The following CPLANE1 variants were observed in gnomAD, a reference collection of about 807,000 sequenced individuals.
CPLANE1 encodes ciliogenesis and planar polarity effector complex subunit 1.
Under a neutral mutation model 362.5 loss-of-function variants are expected in CPLANE1, and 263 were observed. The ratio of observed to expected loss-of-function variants is 0.73; its 90% confidence interval spans 0.66 to 0.80. CPLANE1 has a LOEUF of 0.80. Ranked by LOEUF, CPLANE1 falls within the 30% of genes least tolerant of loss-of-function variation. The probability of loss-of-function intolerance (pLI) is 0.00; values close to 1 mark genes in which losing one functional copy is unlikely to be tolerated. For missense variants in CPLANE1, 3,461 were observed against 3,793.4 expected (o/e 0.91, Z 2.30); for synonymous variants, 1,212 against 1,302.6 (o/e 0.93, Z 1.50).
intron 43 of CPLANE1, among the ~76,000 whole-genome samples, chr5:37,145,944 A>G (rs181594957): frequency 6.6e-6 from 1 of 152,362 alleles, no homozygotes; most frequent in Admixed American, 6.5e-5. Flanking sequence ...AAGTAAAGGG[A>G]TATCTAATTT....
chr5:37,228,935 A>T (rs1797047636), intron 9 of CPLANE1, among the ~76,000 whole-genome samples: 1 of 152,210 alleles, frequency 6.6e-6, no homozygotes, highest in African/African-American at 2.4e-5. Flanking sequence ...AGGAAGTGAC[A>T]CGTTTTTCCA....
At chr5:37,123,559 G>C (rs891809371) in intron 47 of CPLANE1, among the ~76,000 whole-genome samples, 1 of 152,202 alleles carries the variant, frequency 6.6e-6, no homozygotes, top group Non-Finnish European at 1.5e-5. Flanking sequence ...TACTTATTTT[G>C]AGACAAGAGT....
chr5:37,077,252 T>G, the CPLANE1 span, among the ~76,000 whole-genome samples: 1 of 152,112 alleles, frequency 6.6e-6, no homozygotes, highest in East Asian at 1.9e-4. Context: ...TCTCATGGTT[T>G]ATTAGTGCAT....
At chr5:37,121,882 T>C in intron 48 of CPLANE1, 98 bp from the exon 49 acceptor site, 2 of 362,032 alleles carry the variant, frequency 5.5e-6, no homozygotes, top group Non-Finnish European at 8.4e-6. Context: ...CATGTTCTGG[T>C]TTTTTTTTTT....
At position 37,180,026 on chromosome 5, in the gene CPLANE1, C is replaced by T; in HGVS notation, c.5728G>A (p.Asp1910Asn). The T allele has an allele frequency of 6.5e-7, 1 of 1,545,236 alleles. No homozygotes were observed. The highest frequency in any genetic ancestry group is 8.7e-7 in the Non-Finnish European group (1 of 1,150,676). The stretch of plus-strand genomic sequence containing the variant: ...ATCTAAATGAACTGACCTTCATAGT[C>T]TGATATGTGCATATCCATTTCCTCT... Reference protein sequence around the residue: ...TEEEMDMHISDYEEDIEESVG... With the variant: ...TEEEMDMHISNYEEDIEESVG... Residue 1910 changes from aspartate (D) to asparagine (N), a missense_variant, in exon 28 of 53, where the codon GAC becomes AAC. This residue lies in a region of CPLANE1 where 3,380 missense variants were observed against 3,666.1 expected (regional missense o/e 0.92). Coordinates refer to ENST00000651892, the MANE Select transcript of CPLANE1 (RefSeq NM_001384732.1).
At chr5:37,076,064 T>C in the CPLANE1 span, among the ~76,000 whole-genome samples, 1 of 151,784 alleles carries the variant, frequency 6.6e-6, no homozygotes, top group Non-Finnish European at 1.5e-5. Context: ...GGCAACATAG[T>C]GAAACCCCTA....
intron 14 of CPLANE1, among the ~76,000 whole-genome samples, chr5:37,221,883 A>C (rs1005384695): frequency 1.3e-5 from 2 of 152,216 alleles, no homozygotes; most frequent in Non-Finnish European, 2.9e-5. Context: ...TTTTATCCAA[A>C]GAAAGCTGCA....
Position 37,224,733 on chromosome 5 carries a change from T to C in CPLANE1, c.2299A>G (p.Ile767Val), listed in dbSNP as rs1267786198. The change falls in exon 13 of 53, where the codon ATT (isoleucine) becomes GTT (valine). Residue 767 changes from isoleucine (I) to valine (V), a missense_variant. Around this residue, in one of 2 missense-constraint regions of CPLANE1, gnomAD observed 3,380 missense variants for 3,666.1 expected, o/e 0.92. Coordinates refer to ENST00000651892, the MANE Select transcript of CPLANE1 (RefSeq NM_001384732.1). ...PVQQPGHRLLILWRILYKKTL... is the reference protein window; with the variant it reads ...PVQQPGHRLLVLWRILYKKTL... ...TTTTTGTACAGTATTCTCCAGAGAA[T>C]AAGCAATCTGCACATAAAATCAGGT... The C allele has an allele frequency of 1.3e-6, 2 of 1,547,718 alleles. No homozygotes were observed. The highest frequency in any genetic ancestry group is 1.7e-6 in the Non-Finnish European group (2 of 1,144,084).
chr5:37,201,021 G>A (rs902117710), intron 19 of CPLANE1, among the ~76,000 whole-genome samples: 6 of 152,004 alleles, frequency 3.9e-5, no homozygotes, highest in South Asian at 2.1e-4. Flanking sequence ...ACAGGGTTTC[G>A]CCATGTTGCC....
chr5:37,094,559 A>G, the CPLANE1 span, among the ~76,000 whole-genome samples: 3 of 152,218 alleles, frequency 2.0e-5, no homozygotes, highest in Non-Finnish European at 4.4e-5. Context: ...ACCCAAACCT[A>G]GCAGGGGAAA....
intron 25 of CPLANE1, 74 bp from the exon 26 acceptor site, chr5:37,183,773 GA>G (rs1469343120): frequency 3.8e-6 from 4 of 1,053,206 alleles, no homozygotes; most frequent in Non-Finnish European, 5.4e-6. Context: ...AATTGACATG[GA>G]AAATTCTCTC....
rs1052354484 is a variant in CPLANE1, at chr5:37,165,685, T to C, written c.7401-14A>G. 5.0e-6 allele frequency: 8 copies of C among 1,595,586 alleles called. No individual in the cohort carries two copies. The highest frequency in any genetic ancestry group is 1.7e-4 in the Middle Eastern group (1 of 5,982). On this transcript the variant is annotated splice_polypyrimidine_tract_variant and intron_variant, in intron 35 of 52. Transcript: ENST00000651892. ...CTTCTTCTTTGCCTGTTAAACATAA[T>C]AGCATAAAACATACTTTTACAACTA...
intron 51 of CPLANE1, among the ~76,000 whole-genome samples, chr5:37,111,403 G>A (rs1759280509): frequency 6.6e-6 from 1 of 152,144 alleles, no homozygotes; most frequent in South Asian, 2.1e-4. Context: ...GGATTGTACA[G>A]GCGTGAGCCA....
Position 37,173,747 on chromosome 5 carries a change from G to A in CPLANE1, c.6171+8C>T. On this transcript the variant is annotated splice_region_variant and intron_variant, in intron 32 of 52. Coordinates refer to ENST00000651892, the MANE Select transcript of CPLANE1 (RefSeq NM_001384732.1). ...TAGATTTACTTACTTATATAGAGAT[G>A]TGCTTACCTGAACTAATTTAAACAT... is the stretch of plus-strand genomic sequence containing the variant. 1 of 1,609,048 alleles carries A rather than the reference G, an allele frequency of 6.2e-7. No individual in the cohort carries two copies. The highest frequency in any genetic ancestry group is 8.5e-7 in the Non-Finnish European group (1 of 1,176,528).
chr5:37,234,194 C>A (rs1253527525), intron 8 of CPLANE1, among the ~76,000 whole-genome samples: 1 of 152,000 alleles, frequency 6.6e-6, no homozygotes, highest in African/African-American at 2.4e-5. Flanking sequence ...GGAGATATGA[C>A]ACCACCAAAG....
intron 32 of CPLANE1, among the ~76,000 whole-genome samples, chr5:37,171,745 ACTCTCTCTCTCTCTCTCTCT>A (rs56407367): frequency 4.1e-4 from 53 of 128,430 alleles, no homozygotes; most frequent in African/African-American, 1.3e-3. Context: ...TCTCTAGCTT[ACTCTCTCTCTCTCTCTCTCT>A]CTCTCTCTCT....
At chr5:37,082,667 A>G in the CPLANE1 span, among the ~76,000 whole-genome samples, 1 of 152,274 alleles carries the variant, frequency 6.6e-6, no homozygotes. Flanking sequence ...AACTTTTACA[A>G]CATAACTATA....
rs148782840 is a variant in CPLANE1, at chr5:37,210,829, C to T, written c.2920+2730G>A. The T allele has an allele frequency of 2.9e-4, 265 of 917,254 alleles. 1 individual carries two copies. The African/African-American group carries it at 4.0e-3, about 14-fold the overall frequency. The allele number at this position is 917,254 out of a possible 1,614,324, so 56.8% of individuals were successfully genotyped here. A position where few individuals can be genotyped will look rare whatever the true frequency, so the allele number is the denominator to read the frequency against. On this transcript the variant is annotated intron_variant, in intron 16 of 52. Transcript: ENST00000651892. Reference sequence around the variant, plus strand: ...GTCTTTCAGAAAGAACTAAGGAGAGCAGAAAAGGCTACAGTGGTTGAGCAT... The same window carrying T: ...GTCTTTCAGAAAGAACTAAGGAGAGTAGAAAAGGCTACAGTGGTTGAGCAT...
At position 37,187,023 on chromosome 5, in the gene CPLANE1, T is replaced by G. The variant is rs938727278; in HGVS notation, c.4080+391A>C. On this transcript the variant is annotated intron_variant, in intron 23 of 52. Coordinates refer to ENST00000651892, the MANE Select transcript of CPLANE1 (RefSeq NM_001384732.1). Reference sequence around the variant, plus strand: ...TTGCAGTGAGCCGAGATCGCGCCACTGCACTCTAGCCTGGGTGACAGAGCG... The same window carrying G: ...TTGCAGTGAGCCGAGATCGCGCCACGGCACTCTAGCCTGGGTGACAGAGCG... Among the ~76,000 whole-genome samples the G allele has an allele frequency of 9.4e-5, 12 of 127,368 alleles. No homozygotes were observed. The Admixed American group carries it at 9.9e-4, about 10-fold the overall frequency. The allele number at this position is 127,368 out of a possible 152,430, so 83.6% of individuals were successfully genotyped here. A position where few individuals can be genotyped will look rare whatever the true frequency, so the allele number is the denominator to read the frequency against.
Sources: allele counts gnomAD v4.1 joint callset (sites outside exome capture counted in the v4.1 genomes callset), GRCh38; gene constraint gnomAD v4.1.1; regional missense constraint gnomAD v4.1.1; transcripts MANE v1.5; gene names NCBI Gene and HGNC (gene_info 2026-07-23, HGNC 2026-07-21).